Variants in MGST3 observed in about 807,000 individuals in gnomAD.
MGST3 encodes the protein glutathione S-transferase 3, mitochondrial.
MGST3 carries 13 observed loss-of-function variants against 15.8 expected under a neutral mutation model. The ratio of observed to expected loss-of-function variants is 0.82; its 90% CI spans 0.54 to 1.31. The LOEUF (loss-of-function observed/expected upper bound fraction) is 1.31, where lower values mean the gene tolerates loss of function less well. Ranked by LOEUF, MGST3 falls within the 50% of genes most tolerant of loss-of-function variation. The pLI, the probability that MGST3 is intolerant of heterozygous loss-of-function variation, is 0.00. For missense variants in MGST3, 155 were observed against 192.4 expected (o/e 0.81, Z 1.15); for synonymous variants, 49 against 68.1 (o/e 0.72, Z 1.38).
chr1:165,642,289 G>A lies in MGST3; in HGVS notation c.-7-7552G>A, dbSNP rs571077201. Among the ~76,000 whole-genome samples the A allele has an allele frequency of 2.5e-4, 38 of 152,308 alleles. No individual in the cohort carries two copies. The South Asian group carries it at 7.5e-3, about 30-fold the overall frequency. On this transcript the variant is annotated intron_variant, in intron 1 of 5. Coordinates refer to ENST00000367889, the MANE Select transcript of MGST3 (RefSeq NM_004528.4). ...AGCCTGAATAAGTAAATGAATGCAC[G>A]ATCACCCTCATGCAGTGCTGAGCAG...
At chr1:165,644,574 C>T (rs9333441) in intron 1 of MGST3, among the ~76,000 whole-genome samples, 10 of 152,052 alleles carry the variant, frequency 6.6e-5, no homozygotes, top group African/African-American at 2.2e-4. Flanking sequence ...GCAGACCTTA[C>T]GTACACTGTA....
intron 3 of MGST3, 95 bp from the exon 4 acceptor site, chr1:165,651,883 A>T (rs989279565): frequency 4.3e-6 from 2 of 468,986 alleles, no homozygotes; most frequent in Non-Finnish European, 7.1e-6. Flanking sequence ...TGACAGAGAC[A>T]CTCCGTCTCA....
chr1:165,653,114 T>C (rs2101725313), intron 4 of MGST3, among the ~76,000 whole-genome samples: 1 of 152,354 alleles, frequency 6.6e-6, no homozygotes, highest in Admixed American at 6.5e-5. Context: ...CCTGCATTTT[T>C]TTCAAAGAAA....
Position 165,649,842 on chromosome 1 carries a change from C to G in MGST3, c.-6C>G, listed in dbSNP as rs6681. ...CCCAACGTGTTCTTTCTTCCACAGA[C>G]GCAAGATGGCTGTCCTCTCTAAGGA... On this transcript the variant is annotated splice_region_variant and 5_prime_UTR_variant, in exon 2 of 6. Transcript: ENST00000367889. 2 of 1,613,796 alleles carry G rather than the reference C, an allele frequency of 1.2e-6. No individual in the cohort carries two copies. The highest frequency in any genetic ancestry group is 2.7e-5 in the African/African-American group (2 of 74,912).
intron 1 of MGST3, 86 bp from the exon 2 acceptor site, chr1:165,649,755 T>C: frequency 6.4e-7 from 1 of 1,553,072 alleles, no homozygotes; most frequent in South Asian, 1.1e-5. Context: ...CATTTGCCAG[T>C]AATAAAGCAT....
At chr1:165,639,623 C>T (rs558645662) in intron 1 of MGST3, among the ~76,000 whole-genome samples, 3 of 152,026 alleles carry the variant, frequency 2.0e-5, no homozygotes, top group East Asian at 1.9e-4. Context: ...GCCAACATGG[C>T]GAAACCCCAT....
At chr1:165,634,248 C>A (rs1285903322) in intron 1 of MGST3, among the ~76,000 whole-genome samples, 2 of 152,066 alleles carry the variant, frequency 1.3e-5, no homozygotes, top group African/African-American at 4.8e-5. Context: ...CAAACTGGAG[C>A]CAGACTGCTT....
chr1:165,638,852 AG>A (rs985111840), intron 1 of MGST3, among the ~76,000 whole-genome samples: 4 of 152,186 alleles, frequency 2.6e-5, no homozygotes, highest in African/African-American at 9.6e-5. Flanking sequence ...TATTCTTAAA[AG>A]GGGCATCTGT....
rs755487061 is a variant in MGST3 at position 165,651,942 on chromosome 1, G to T, written c.192-36G>T. 2.7e-5 allele frequency: 35 copies of T among 1,300,432 alleles called. 1 individual carries two copies. In the South Asian group the frequency reaches 3.9e-4, roughly 15 times the overall value. The allele number at this position is 1,300,432 out of a possible 1,614,324, so 80.6% of individuals were successfully genotyped here. On this transcript the variant is annotated intron_variant, in intron 3 of 5. Transcript: ENST00000367889. ...AATTCTACACAGGCATACTTAAAAA[G>T]GGCACTTTTTAAAAGTTTCTTTCTG...
chr1:165,642,243 G>A (rs979117308), intron 1 of MGST3, among the ~76,000 whole-genome samples: 4 of 152,198 alleles, frequency 2.6e-5, no homozygotes, highest in South Asian at 2.1e-4. Flanking sequence ...CCAGTGAGTG[G>A]CACATAGTGG....
intron 1 of MGST3, among the ~76,000 whole-genome samples, chr1:165,644,394 T>G (rs1648338543): frequency 6.6e-6 from 1 of 152,206 alleles, no homozygotes; most frequent in South Asian, 2.1e-4. Flanking sequence ...TGTCTAAAGA[T>G]ATCTAAAAAC....
intron 5 of MGST3, 134 bp from the exon 6 acceptor site, chr1:165,655,234 A>G (rs1648675836): frequency 9.2e-7 from 1 of 1,085,158 alleles, no homozygotes; most frequent in Non-Finnish European, 1.4e-6. Flanking sequence ...TTCAGGCTAA[A>G]GAGTTAGTTA....
intron 5 of MGST3, among the ~76,000 whole-genome samples, chr1:165,654,574 C>G (rs996536158): frequency 2.0e-5 from 3 of 152,000 alleles, no homozygotes; most frequent in African/African-American, 7.2e-5. Context: ...ACCTGTAGTC[C>G]CAGCTACTTG....
intron 1 of MGST3, among the ~76,000 whole-genome samples, chr1:165,645,510 A>G (rs1648372854): frequency 6.6e-6 from 1 of 152,204 alleles, no homozygotes; most frequent in African/African-American, 2.4e-5. Context: ...ATACACTATA[A>G]TGCTAAAAAG....
chr1:165,650,061 G>A, intron 2 of MGST3, 97 bp downstream of exon 2: 1 of 1,572,978 alleles, frequency 6.4e-7, no homozygotes, highest in Non-Finnish European at 8.6e-7. Flanking sequence ...GAGGCAAGGA[G>A]CTAGTTGTGA....
At chr1:165,632,568 G>A (rs980730256) in intron 1 of MGST3, among the ~76,000 whole-genome samples, 2 of 152,118 alleles carry the variant, frequency 1.3e-5, no homozygotes, top group Non-Finnish European at 2.9e-5. Context: ...AAGACTTTCC[G>A]TTAAGCTTCC....
At position 165,652,042 on chromosome 1, in the gene MGST3, T is replaced by G. The variant is rs1648575648; in HGVS notation, c.249+7T>G. ...TGGAGGTGTTTACCACCCGGTAAGT[T>G]TTCCAGGAGGTGTTCATCTATTTGG... On this transcript the variant is annotated splice_region_variant and intron_variant, in intron 4 of 5. Coordinates refer to ENST00000367889, the MANE Select transcript of MGST3 (RefSeq NM_004528.4). 1.2e-6 allele frequency: 2 copies of G among 1,606,792 alleles called. No homozygotes were observed. The highest frequency in any genetic ancestry group is 2.7e-5 in the African/African-American group (2 of 74,766).
intron 1 of MGST3, among the ~76,000 whole-genome samples, chr1:165,643,247 C>T (rs540675217): frequency 6.6e-6 from 1 of 151,914 alleles, no homozygotes; most frequent in South Asian, 2.1e-4. Flanking sequence ...TTCTATTTAA[C>T]GGGTATATTA....
chr1:165,640,273 G>T (rs972942110), intron 1 of MGST3, among the ~76,000 whole-genome samples: 7 of 151,996 alleles, frequency 4.6e-5, no homozygotes, highest in African/African-American at 1.5e-4. Context: ...TCAGTCTTCT[G>T]CTGGGCACAC....
Sources: gnomAD v4.1 joint callset for allele counts (sites outside exome capture counted in the v4.1 genomes callset) on GRCh38, gnomAD v4.1.1 for gene constraint, MANE v1.5 for transcripts, NCBI Gene and HGNC (gene_info 2026-07-23, HGNC 2026-07-21) for gene names.